Variants in TTLL5 observed in about 807,000 individuals in gnomAD.
TTLL5 encodes the protein tubulin tyrosine ligase like 5.
Under a neutral mutation model 168.4 loss-of-function variants are expected in TTLL5, and 132 were observed. The observed-to-expected ratio is 0.78, with a 90% CI of 0.68 to 0.91. The LOEUF (loss-of-function observed/expected upper bound fraction) is 0.91. Among genes scored for constraint, TTLL5 ranks in the 40% least tolerant of loss-of-function variants. TTLL5 has a pLI of 0.00. For synonymous variants in TTLL5, 546 were observed against 558.6 expected (o/e 0.98, Z 0.32); for missense variants, 1,545 against 1,581.5 (o/e 0.98, Z 0.39).
intron 6 of TTLL5, among the ~76,000 whole-genome samples, chr14:75,698,183 C>T (rs767443100): frequency 8.5e-5 from 13 of 152,162 alleles, no homozygotes; most frequent in Non-Finnish European, 1.6e-4. Context: ...CTGCTTCTCT[C>T]CCCTGACTTC....
chr14:75,915,044 A>G (rs761096992), intron 31 of TTLL5, among the ~76,000 whole-genome samples: 36 of 152,276 alleles, frequency 2.4e-4, no homozygotes, highest in Non-Finnish European at 4.4e-4. Context: ...TCTCATTATA[A>G]GGGAACAAAG....
At chr14:75,737,504 A>T (rs1888985007) in intron 15 of TTLL5, 1 of 1,477,506 alleles carries the variant, frequency 6.8e-7, no homozygotes, top group Middle Eastern at 1.7e-4. Flanking sequence ...GATCTAGGAG[A>T]TGGAAAATGT....
intron 27 of TTLL5, among the ~76,000 whole-genome samples, chr14:75,806,488 C>T (rs1403044897): frequency 6.6e-6 from 1 of 152,206 alleles, no homozygotes; most frequent in Non-Finnish European, 1.5e-5. Context: ...TCCAGCCTGT[C>T]TCCCTACTAT....
At chr14:75,802,606 G>A (rs1220085203) in intron 27 of TTLL5, among the ~76,000 whole-genome samples, 1 of 152,174 alleles carries the variant, frequency 6.6e-6, no homozygotes, top group Non-Finnish European at 1.5e-5. Context: ...GTATATGTAT[G>A]TATTTAAAAA....
intron 18 of TTLL5, chr14:75,757,994 T>G: frequency 1.0e-6 from 1 of 997,468 alleles, no homozygotes. Flanking sequence ...AACATAAAAA[T>G]TTTTTCTATT....
intron 9 of TTLL5, chr14:75,709,589 G>A: frequency 4.9e-6 from 1 of 202,552 alleles, no homozygotes; most frequent in Non-Finnish European, 1.0e-5. Flanking sequence ...CTGAACATGA[G>A]CTGACTACTA....
At chr14:75,771,486 C>T (rs923181234) in intron 20 of TTLL5, among the ~76,000 whole-genome samples, 16 of 151,890 alleles carry the variant, frequency 1.1e-4, no homozygotes, top group African/African-American at 3.9e-4. Context: ...TTCTTTTTTT[C>T]CCTTATGCTA....
chr14:75,896,836 G>GT (rs1190794863), intron 30 of TTLL5, among the ~76,000 whole-genome samples: 1 of 152,160 alleles, frequency 6.6e-6, no homozygotes, highest in Non-Finnish European at 1.5e-5. Context: ...AAAAGGGATG[G>GT]TGGGGCTATT....
At chr14:75,668,908 C>G (rs1883500316) in intron 2 of TTLL5, among the ~76,000 whole-genome samples, 1 of 152,180 alleles carries the variant, frequency 6.6e-6, no homozygotes, top group African/African-American at 2.4e-5. Context: ...TATCTTGATT[C>G]TGAAAATCCC....
At chr14:75,732,516 T>G (rs1888609960) in intron 13 of TTLL5, 97 bp downstream of exon 13, 3 of 1,050,480 alleles carry the variant, frequency 2.9e-6, no homozygotes, top group Non-Finnish European at 4.2e-6. Flanking sequence ...TAGAAGACTG[T>G]TTTTTTCCTA....
At chr14:75,954,348 A>G (rs981261043) in intron 31 of TTLL5, 76 bp from the exon 32 acceptor site, 1 of 1,499,694 alleles carries the variant, frequency 6.7e-7, no homozygotes. Flanking sequence ...TGTTAGATAA[A>G]CCAGACATTG....
At chr14:75,775,343 C>G in intron 21 of TTLL5, 141 bp from the exon 22 acceptor site, 1 of 945,744 alleles carries the variant, frequency 1.1e-6, no homozygotes, top group African/African-American at 1.6e-5. Flanking sequence ...TATACCTAAC[C>G]TTTTTGTTCT....
intron 28 of TTLL5, among the ~76,000 whole-genome samples, chr14:75,860,697 G>A (rs2029907350): frequency 6.6e-6 from 1 of 152,000 alleles, no homozygotes; most frequent in Non-Finnish European, 1.5e-5. Context: ...CACTGGATCA[G>A]CCCACTCCTG....
intron 27 of TTLL5, among the ~76,000 whole-genome samples, chr14:75,812,647 A>G (rs1266392336): frequency 6.6e-6 from 1 of 152,160 alleles, no homozygotes; most frequent in Non-Finnish European, 1.5e-5. Flanking sequence ...GTTGTTTTGT[A>G]ACTTGTCTTC....
chr14:75,716,067 G>T (rs1279102858), intron 9 of TTLL5, among the ~76,000 whole-genome samples: 3 of 152,138 alleles, frequency 2.0e-5, no homozygotes. Flanking sequence ...TCTGGCTGAG[G>T]CAGGCAGCCA....
intron 30 of TTLL5, among the ~76,000 whole-genome samples, chr14:75,894,593 A>G (rs2032563910): frequency 6.6e-6 from 1 of 152,182 alleles, no homozygotes; most frequent in South Asian, 2.1e-4. Flanking sequence ...ATAGAAAACA[A>G]AAACTAAGAT....
intron 29 of TTLL5, among the ~76,000 whole-genome samples, chr14:75,874,622 C>G (rs1344430260): frequency 6.6e-6 from 1 of 152,020 alleles, no homozygotes; most frequent in African/African-American, 2.4e-5. Flanking sequence ...TTCCTGAGAG[C>G]AATTTGGGAA....
At chr14:75,709,526 A>G (rs910788134) in intron 9 of TTLL5, 5 of 275,594 alleles carry the variant, frequency 1.8e-5, no homozygotes, top group Non-Finnish European at 3.5e-5. Context: ...AAATTGAGAA[A>G]GGGAAGAACT....
intron 31 of TTLL5, among the ~76,000 whole-genome samples, chr14:75,953,967 G>A (rs1310851651): frequency 6.6e-6 from 1 of 152,126 alleles, no homozygotes; most frequent in Non-Finnish European, 1.5e-5. Context: ...AGAGCTTTGT[G>A]GCCAGGCGCA....
Sources: gnomAD v4.1 joint callset for allele counts (sites outside exome capture counted in the v4.1 genomes callset) on GRCh38, gnomAD v4.1.1 for gene constraint, MANE v1.5 for transcripts, NCBI Gene and HGNC (gene_info 2026-07-23, HGNC 2026-07-21) for gene names.